MGAM: variants seen among roughly 807,000 people sequenced by gnomAD.
The protein encoded by MGAM is maltase-glucoamylase, also known as alpha-1,4-glucosidase.
A neutral mutation model predicts 358.8 loss-of-function variants in MGAM; 253 were observed. That is an observed-to-expected ratio of 0.71 (90% confidence interval 0.64 to 0.78). The LOEUF is 0.78. MGAM is among the 30% of genes least tolerant of loss of function. The probability of loss-of-function intolerance (pLI) is 0.00; values close to 1 mark genes in which losing one functional copy is unlikely to be tolerated. For missense variants in MGAM, 3,080 were observed against 3,432.6 expected, an observed-to-expected ratio of 0.90 and a Z score of 2.57; for synonymous variants, 1,105 against 1,227.1, an observed-to-expected ratio of 0.90 and a Z score of 2.08.
At position 142,060,017 on chromosome 7, in the gene MGAM, TG is replaced by T. The variant is rs1811972283; in HGVS notation, c.4059+52del. The T allele has an allele frequency of 6.2e-6, 4 of 644,962 alleles. No homozygotes were observed. The South Asian group carries it at 8.4e-5, about 14-fold the overall frequency. 40.0% of individuals were successfully genotyped at this position (644,962 alleles called of 1,614,324 possible). ...AGTCCCCAGCCTGAGGGTGGGTCAC[TG>T]TTGGTGGGTCACTGTTAGTGGGTCA... On this transcript the variant is annotated intron_variant, in intron 33 of 70. Coordinates refer to ENST00000475668, the MANE Select transcript of MGAM (RefSeq NM_001365693.1).
chr7:142,008,644 A>G lies in MGAM; in HGVS notation c.266A>G (p.Glu89Gly), dbSNP rs1303770858. 6.2e-7 allele frequency: 1 copy of G among 1,613,376 alleles called. No individual in the cohort carries two copies. The highest frequency in any genetic ancestry group is 1.7e-5 in the Admixed American group (1 of 59,924). Reference sequence around the variant, plus strand: ...ACTGGTACCACTCCTGTTTCTGCTGAATGTCCAGTGGTAAATGAATTGGAA... The same window carrying G: ...ACTGGTACCACTCCTGTTTCTGCTGGATGTCCAGTGGTAAATGAATTGGAA... ...GTTGTTPVSA[E>G]CPVVNELERI... The change falls in exon 3 of 71, where the codon GAA becomes GGA. Residue 89 changes from glutamate (E) to glycine (G), a missense_variant. Transcript: ENST00000475668.
intron 21 of MGAM, among the ~76,000 whole-genome samples, chr7:142,043,728 T>C (rs1269510075): frequency 4.7e-5 from 4 of 85,376 alleles, no homozygotes; most frequent in African/African-American, 1.1e-4. Context: ...ATATGTAATA[T>C]ATAATATATA....
chr7:142,016,648 A>G (rs1350526724), intron 3 of MGAM, among the ~76,000 whole-genome samples: 3 of 152,190 alleles, frequency 2.0e-5, no homozygotes, highest in African/African-American at 7.2e-5. Flanking sequence ...GCTGGAGTGC[A>G]GTGGCACAAT....
intron 1 of MGAM, among the ~76,000 whole-genome samples, chr7:141,996,923 G>GTGGGAAGAGGAGAAGGTGATAAATTGT: frequency 6.6e-6 from 1 of 152,202 alleles, no homozygotes; most frequent in South Asian, 2.1e-4. Context: ...GGGAGTGCTC[G>GTGGGAAGAGGAGAAGGTGATAAATTGT]TGGGAAGAGG....
At chr7:142,005,749 T>A in intron 2 of MGAM, 92 bp downstream of exon 2, 1 of 1,310,764 alleles carries the variant, frequency 7.6e-7, no homozygotes. Context: ...CATGCTCATG[T>A]GTGTATGTGT....
chr7:142,039,079 C>T (rs561994671), intron 19 of MGAM, among the ~76,000 whole-genome samples: 2 of 145,072 alleles, frequency 1.4e-5, no homozygotes, highest in Non-Finnish European at 3.0e-5. Context: ...AGGAACAAGA[C>T]GGGGTGGGGG....
intron 1 of MGAM, among the ~76,000 whole-genome samples, chr7:141,999,522 G>GT (rs1356086111): frequency 3.3e-5 from 5 of 152,144 alleles, no homozygotes; most frequent in African/African-American, 1.2e-4. Flanking sequence ...CTGAAGCTTA[G>GT]TTTTTTCATC....
At chr7:142,023,405 G>T (rs1222813813) in intron 7 of MGAM, among the ~76,000 whole-genome samples, 3 of 151,560 alleles carry the variant, frequency 2.0e-5, no homozygotes, top group African/African-American at 7.3e-5. Context: ...TGGAAGAAAG[G>T]AGATTACAGC....
Position 142,048,118 on chromosome 7 carries a change from TA to T in MGAM, c.2587+246del, listed in dbSNP as rs1810566124. On this transcript the variant is annotated intron_variant, in intron 22 of 70. Transcript: ENST00000475668. Reference sequence around the variant, plus strand: ...ACAGTGATATCTATAATAGGCTTTTTATTTATTTATTTATTTATTTATTTAT... The same window carrying T: ...ACAGTGATATCTATAATAGGCTTTTTTTTATTTATTTATTTATTTATTTAT... 2.4e-3 allele frequency among the ~76,000 whole-genome samples: 7 copies of T among 2,868 alleles called. 1 individual carries two copies. In the South Asian group the frequency reaches 0.15, roughly 60 times the overall value. 1.9% of individuals were successfully genotyped at this position (2,868 alleles called of 152,430 possible).
chr7:142,094,776 A>G lies in MGAM; in HGVS notation c.7371A>G (p.Gln2457=). The G allele has an allele frequency of 6.2e-7, 1 of 1,613,610 alleles. No individual in the cohort carries two copies. Among genetic ancestry groups the G allele is most frequent in the Non-Finnish European group, 8.5e-7 (1 of 1,179,842 alleles). The change falls in exon 63 of 71, where the codon CAA becomes CAG. Residue 2457 remains glutamine, a synonymous_variant. Transcript: ENST00000475668. ...GAGCAGATATCTGTGGGTTCTTTCAAGATGCTGAATATGAGATGTGTGTTC... is the reference window on the plus strand; with the variant it reads ...GAGCAGATATCTGTGGGTTCTTTCAGGATGCTGAATATGAGATGTGTGTTC... ...YTGADICGFF[Q]DAEYEMCVRW... is the part of the protein sequence containing the mutation.
intron 8 of MGAM, among the ~76,000 whole-genome samples, chr7:142,026,198 GA>G (rs1421462936): frequency 4.0e-5 from 6 of 150,794 alleles, no homozygotes; most frequent in Admixed American, 3.9e-4. Context: ...TACAATTTCT[GA>G]CTTTTTTTTT....
intron 1 of MGAM, among the ~76,000 whole-genome samples, chr7:141,999,078 C>T (rs782302096): frequency 6.6e-5 from 10 of 152,022 alleles, no homozygotes; most frequent in Non-Finnish European, 1.3e-4. Flanking sequence ...GAACATAAGT[C>T]TCATGACGGC....
At chr7:142,058,579 C>G (rs1365995956) in intron 31 of MGAM, among the ~76,000 whole-genome samples, 3 of 152,230 alleles carry the variant, frequency 2.0e-5, no homozygotes, top group East Asian at 1.9e-4. Context: ...TCTTTCTGCT[C>G]TCCCGTGCTT....
At chr7:142,008,821 TTG>T in intron 3 of MGAM, 116 bp downstream of exon 3, 1 of 1,132,748 alleles carries the variant, frequency 8.8e-7, no homozygotes, top group South Asian at 1.6e-5. Flanking sequence ...GGTGTTTATG[TTG>T]CAGCCATTAG....
chr7:142,031,799 T>C lies in MGAM; in HGVS notation c.1584+6T>C, dbSNP rs782154751. 1 of 1,544,292 alleles carries C rather than the reference T, an allele frequency of 6.5e-7. No individual in the cohort carries two copies. The highest frequency in any genetic ancestry group is 1.1e-5 in the South Asian group (1 of 89,530). On this transcript the variant is annotated splice_donor_region_variant and intron_variant, in intron 13 of 70. Coordinates refer to ENST00000475668, the MANE Select transcript of MGAM (RefSeq NM_001365693.1). Reference sequence around the variant, plus strand: ...AGTTTGATGGAATCTGGATTGTGAGTTGTTTACACTTGGATTATTAGGTGA... The same window carrying C: ...AGTTTGATGGAATCTGGATTGTGAGCTGTTTACACTTGGATTATTAGGTGA...
intron 3 of MGAM, among the ~76,000 whole-genome samples, chr7:142,016,008 T>C (rs1805933287): frequency 6.6e-6 from 1 of 152,236 alleles, no homozygotes; most frequent in East Asian, 1.9e-4. Context: ...TCGTTTAATA[T>C]GTACTGATTT....
At chr7:142,053,498 A>G (rs1419453025) in intron 26 of MGAM, among the ~76,000 whole-genome samples, 1 of 152,294 alleles carries the variant, frequency 6.6e-6, no homozygotes, top group East Asian at 1.9e-4. Context: ...TGATATGTTC[A>G]GTTTGGGATG....
At chr7:142,052,150 T>C in intron 24 of MGAM, 144 bp from the exon 25 acceptor site, 1 of 706,916 alleles carries the variant, frequency 1.4e-6, no homozygotes. Flanking sequence ...GCAGTTCTCT[T>C]CTTATAAGCT....
rs145290190 is a variant in MGAM at position 142,016,290 on chromosome 7, C to T, written c.328-2909C>T. ...CTGAATTCTATTCACTACTCCTCTT[C>T]GTGTTGGCGAAAGAGCCTGTATAGC... is the stretch of plus-strand genomic sequence containing the variant. On this transcript the variant is annotated intron_variant, in intron 3 of 70. Transcript: ENST00000475668. Among the ~76,000 whole-genome samples, 6 of 152,248 alleles carry T rather than the reference C, an allele frequency of 3.9e-5. No individual in the cohort carries two copies. The East Asian group carries it at 7.7e-4, about 20-fold the overall frequency.
Sources: allele counts gnomAD v4.1 joint callset (sites outside exome capture counted in the v4.1 genomes callset), GRCh38; gene constraint gnomAD v4.1.1; transcripts MANE v1.5; gene names NCBI Gene and HGNC (gene_info 2026-07-23, HGNC 2026-07-21).